The following MTA3 variants were observed in gnomAD, a reference collection of about 807,000 sequenced individuals.
MTA3 encodes the protein metastasis associated 1 family member 3, also known as metastasis-associated protein MTA3.
In MTA3, 34 loss-of-function variants were observed where a neutral mutation model predicts 83.5. That is an observed-to-expected ratio of 0.41 (90% CI 0.31 to 0.54). The LOEUF (loss-of-function observed/expected upper bound fraction) is 0.54. Ranked by LOEUF, MTA3 falls within the 20% of genes least tolerant of loss-of-function variation. MTA3 has a pLI of 0.33. For synonymous variants in MTA3, 303 were observed against 252.7 expected, an observed-to-expected ratio of 1.20 and a Z score of -1.89; for missense variants, 761 against 726.4, an observed-to-expected ratio of 1.05 and a Z score of -0.55.
At chr2:42,623,048 G>T (rs570256771) in intron 4 of MTA3, among the ~76,000 whole-genome samples, 1 of 152,214 alleles carries the variant, frequency 6.6e-6, no homozygotes, top group African/African-American at 2.4e-5. Context: ...ATGTAATGAG[G>T]AAAAGGTAGT....
intron 8 of MTA3, among the ~76,000 whole-genome samples, chr2:42,674,880 G>A (rs149226410): frequency 2.0e-5 from 3 of 151,734 alleles, no homozygotes; most frequent in East Asian, 3.9e-4. Context: ...GATTAGAGGC[G>A]TGAGCTACTG....
At chr2:42,509,824 C>T (rs1342069906) in intron 2 of MTA3, among the ~76,000 whole-genome samples, 4 of 151,992 alleles carry the variant, frequency 2.6e-5, no homozygotes, top group Admixed American at 2.6e-4. Context: ...ATAAATATTA[C>T]TGTTGATTTA....
At chr2:42,545,166 C>T (rs1011724321) in intron 2 of MTA3, among the ~76,000 whole-genome samples, 8 of 151,936 alleles carry the variant, frequency 5.3e-5, no homozygotes, top group African/African-American at 1.9e-4. Flanking sequence ...TCACTTGAGC[C>T]CAGGAGTTTG....
At chr2:42,701,805 TG>T (rs1227855880) in intron 11 of MTA3, among the ~76,000 whole-genome samples, 3 of 149,936 alleles carry the variant, frequency 2.0e-5, no homozygotes, top group Admixed American at 6.7e-5. Context: ...ACCAGCTACT[TG>T]GGAGGCTGAG....
intron 3 of MTA3, among the ~76,000 whole-genome samples, chr2:42,602,029 G>A (rs1194706325): frequency 1.3e-5 from 2 of 152,142 alleles, no homozygotes; most frequent in Non-Finnish European, 2.9e-5. Flanking sequence ...TAGTAGAGGC[G>A]GGGGTCTTGC....
chr2:42,498,041 C>T (rs1381377084), intron 2 of MTA3, among the ~76,000 whole-genome samples: 2 of 152,142 alleles, frequency 1.3e-5, no homozygotes, highest in East Asian at 1.9e-4. Flanking sequence ...TGGATGTGTT[C>T]GAGGACTCCA....
At chr2:42,531,916 C>T (rs929353947) in intron 2 of MTA3, among the ~76,000 whole-genome samples, 1 of 152,084 alleles carries the variant, frequency 6.6e-6, no homozygotes, top group Non-Finnish European at 1.5e-5. Context: ...GCCACCACAC[C>T]CAGCTAATTT....
intron 9 of MTA3, among the ~76,000 whole-genome samples, chr2:42,694,734 T>C (rs776390654): frequency 6.6e-6 from 1 of 152,206 alleles, no homozygotes; most frequent in Non-Finnish European, 1.5e-5. Context: ...CACACAGTCA[T>C]AGCTGCCATC....
At chr2:42,693,266 C>T (rs1315065758) in intron 9 of MTA3, among the ~76,000 whole-genome samples, 1 of 152,138 alleles carries the variant, frequency 6.6e-6, no homozygotes, top group East Asian at 1.9e-4. Flanking sequence ...ACTCAAGGCC[C>T]TAGGGCTCCA....
Position 42,745,101 on chromosome 2 carries a change from C to G in MTA3, c.1760-8273C>G, listed in dbSNP as rs146445470. Among the ~76,000 whole-genome samples, 14 of 152,354 alleles carry G rather than the reference C, an allele frequency of 9.2e-5. No homozygotes were observed. The South Asian group carries it at 1.2e-3, about 14-fold the overall frequency. On this transcript the variant is annotated intron_variant, in intron 16 of 16. Transcript: ENST00000405094. ...GAAAACATCTGAGTTATAATCTATG[C>G]ATTTTCCTCTATCAGCCAGATATTT...
intron 9 of MTA3, among the ~76,000 whole-genome samples, chr2:42,684,078 T>C (rs1286723436): frequency 6.6e-6 from 1 of 152,202 alleles, no homozygotes. Context: ...ACTTACCCCA[T>C]GCAGTGGGGT....
intron 6 of MTA3, among the ~76,000 whole-genome samples, chr2:42,653,778 T>G (rs1394407008): frequency 6.6e-6 from 1 of 152,232 alleles, no homozygotes; most frequent in African/African-American, 2.4e-5. Context: ...CTGACTTGAA[T>G]TTGAAAAATA....
chr2:42,578,786 T>TA (rs1383883921), intron 2 of MTA3, among the ~76,000 whole-genome samples: 1 of 152,212 alleles, frequency 6.6e-6, no homozygotes, highest in African/African-American at 2.4e-5. Flanking sequence ...TAAGGCTAGT[T>TA]AATTGAAGCA....
chr2:42,577,420 A>G (rs1679180427), intron 2 of MTA3, among the ~76,000 whole-genome samples: 1 of 151,844 alleles, frequency 6.6e-6, no homozygotes, highest in Non-Finnish European at 1.5e-5. Flanking sequence ...TTTGTATAGC[A>G]TCCCTATTGG....
chr2:42,568,909 CAGAGGGGCCGG>C, intron 1 of MTA3, 136 bp downstream of exon 1: 1 of 896,690 alleles, frequency 1.1e-6, no homozygotes, highest in Middle Eastern at 4.2e-4. Context: ...CCGGGGCCCG[CAGAGGGGCCGG>C]GACTCCCCAC....
chr2:42,623,409 T>C (rs1008020373), intron 4 of MTA3, among the ~76,000 whole-genome samples: 1 of 152,200 alleles, frequency 6.6e-6, no homozygotes, highest in Admixed American at 6.5e-5. Flanking sequence ...CTGGACTCCC[T>C]GGACATAAGT....
chr2:42,624,056 G>A (rs1312892044), intron 4 of MTA3, among the ~76,000 whole-genome samples: 1 of 152,094 alleles, frequency 6.6e-6, no homozygotes, highest in Non-Finnish European at 1.5e-5. Context: ...GTAAAAGGGA[G>A]GAACAAACGC....
chr2:42,744,787 A>G (rs551502930), intron 16 of MTA3, among the ~76,000 whole-genome samples: 4 of 152,212 alleles, frequency 2.6e-5, no homozygotes, highest in Admixed American at 6.5e-5. Context: ...AGCCATTGGG[A>G]TATCAGTACG....
intron 2 of MTA3, among the ~76,000 whole-genome samples, chr2:42,538,199 C>T (rs913054866): frequency 6.6e-6 from 1 of 151,916 alleles, no homozygotes; most frequent in Non-Finnish European, 1.5e-5. Context: ...CGCCACTGGA[C>T]TCCAGCCTGG....
Sources: allele counts gnomAD v4.1 joint callset (sites outside exome capture counted in the v4.1 genomes callset), GRCh38; gene constraint gnomAD v4.1.1; transcripts MANE v1.5; gene names NCBI Gene and HGNC (gene_info 2026-07-23, HGNC 2026-07-21).